Variants in UBAC2 observed in about 807,000 individuals in gnomAD.
UBAC2 encodes the protein ubiquitin-associated domain-containing protein 2.
A neutral mutation model predicts 44.0 loss-of-function variants in UBAC2; 26 were observed. That is an observed-to-expected ratio of 0.59 (90% confidence interval 0.43 to 0.82). The LOEUF (loss-of-function observed/expected upper bound fraction) is 0.82, where lower values mean the gene tolerates loss of function less well. UBAC2 is among the 40% of genes least tolerant of loss of function. The probability of loss-of-function intolerance (pLI) is 0.00; values close to 1 mark genes in which losing one functional copy is unlikely to be tolerated. For missense variants in UBAC2, 329 were observed against 419.4 expected (o/e 0.78, Z 1.88); for synonymous variants, 155 against 154.3 (o/e 1.00, Z -0.04).
At chr13:99,310,577 G>A (rs1370401610) in intron 4 of UBAC2, among the ~76,000 whole-genome samples, 2 of 152,232 alleles carry the variant, frequency 1.3e-5, no homozygotes, top group Non-Finnish European at 1.5e-5. Flanking sequence ...TGTAGAAATA[G>A]CAACGGAAAA....
At chr13:99,212,377 T>TC (rs1566448530) in intron 1 of UBAC2, among the ~76,000 whole-genome samples, 1 of 152,192 alleles carries the variant, frequency 6.6e-6, no homozygotes. Context: ...ATCATGATTT[T>TC]CCCCCCAGAT....
At chr13:99,308,613 TCTGTGATCTCAGAAG>T (rs1459864848) in intron 4 of UBAC2, 2 of 152,238 alleles carry the variant, frequency 1.3e-5, no homozygotes, top group Non-Finnish European at 2.9e-5. Flanking sequence ...AATTTGTAAC[TCTGTGATCTCAGAAG>T]CCTTTCTGCT....
chr13:99,322,489 T>C (rs2044581209), intron 6 of UBAC2, among the ~76,000 whole-genome samples: 3 of 152,214 alleles, frequency 2.0e-5, no homozygotes, highest in African/African-American at 4.8e-5. Flanking sequence ...AATTTTCTTT[T>C]TACAGTTCAC....
At chr13:99,375,699 T>G (rs1395215882) in intron 8 of UBAC2, among the ~76,000 whole-genome samples, 1 of 152,198 alleles carries the variant, frequency 6.6e-6, no homozygotes, top group Non-Finnish European at 1.5e-5. Context: ...GAAATCTCAT[T>G]GGAATGAATG....
chr13:99,290,071 C>T (rs564525334), intron 4 of UBAC2, among the ~76,000 whole-genome samples: 1 of 151,652 alleles, frequency 6.6e-6, no homozygotes, highest in African/African-American at 2.4e-5. Context: ...AGAGTGCAGA[C>T]CATGGAGCCA....
At chr13:99,301,931 ACACCT>A (rs2044263138) in intron 4 of UBAC2, among the ~76,000 whole-genome samples, 1 of 152,240 alleles carries the variant, frequency 6.6e-6, no homozygotes, top group Non-Finnish European at 1.5e-5. Flanking sequence ...ATAATCATCA[ACACCT>A]TGAATGAAAA....
At chr13:99,222,956 A>G (rs1393875355) in intron 1 of UBAC2, among the ~76,000 whole-genome samples, 1 of 152,170 alleles carries the variant, frequency 6.6e-6, no homozygotes, top group East Asian at 1.9e-4. Flanking sequence ...TTCTCCCCTG[A>G]AGCCATCAGA....
intron 4 of UBAC2, among the ~76,000 whole-genome samples, chr13:99,299,919 T>C (rs2044233336): frequency 1.3e-5 from 2 of 152,228 alleles, no homozygotes. Context: ...AATGCCATGC[T>C]AGATCCCTCT....
At chr13:99,262,906 A>G (rs192861364) in intron 4 of UBAC2, among the ~76,000 whole-genome samples, 1 of 152,262 alleles carries the variant, frequency 6.6e-6, no homozygotes, top group Admixed American at 6.5e-5. Context: ...CAAGTTACTT[A>G]GGATTTTTTA....
intron 4 of UBAC2, among the ~76,000 whole-genome samples, chr13:99,251,166 C>G (rs1347285660): frequency 6.6e-6 from 1 of 152,174 alleles, no homozygotes; most frequent in Non-Finnish European, 1.5e-5. Flanking sequence ...GTTTGACTCT[C>G]AGCTTGAACT....
At chr13:99,312,964 TA>T (rs1336109077) in intron 4 of UBAC2, 2 of 152,684 alleles carry the variant, frequency 1.3e-5, no homozygotes, top group South Asian at 2.1e-4. Context: ...TTTTGTTTTT[TA>T]TTTTTTTTTG....
chr13:99,269,510 T>C (rs1249126430), intron 4 of UBAC2, among the ~76,000 whole-genome samples: 1 of 152,194 alleles, frequency 6.6e-6, no homozygotes, highest in African/African-American at 2.4e-5. Flanking sequence ...TTTGCTTTCT[T>C]ATAAGCAAGG....
chr13:99,294,822 T>TG, intron 4 of UBAC2: 1 of 365,878 alleles, frequency 2.7e-6, no homozygotes, highest in East Asian at 4.8e-5. Flanking sequence ...CGCCTCCTTT[T>TG]GGTGTATTCG....
At position 99,386,021 on chromosome 13, in the gene UBAC2, A is replaced by G. The variant is rs2045615773; in HGVS notation, c.*686A>G. The G allele has an allele frequency of 6.6e-6, 1 of 152,396 alleles. No homozygotes were observed. Among genetic ancestry groups the G allele is most frequent in the Non-Finnish European group, 1.5e-5 (1 of 68,088 alleles). The allele number at this position is 152,396 out of a possible 1,614,324, so 9.4% of individuals were successfully genotyped here. A position where few individuals can be genotyped will look rare whatever the true frequency, so the allele number is the denominator to read the frequency against. ...TGCGGGTGAAATGGGATGGAGAAGAACAACAGCAGGCTTCCTGGAGCCACA... is the reference window on the plus strand; with the variant it reads ...TGCGGGTGAAATGGGATGGAGAAGAGCAACAGCAGGCTTCCTGGAGCCACA... On this transcript the variant is annotated 3_prime_UTR_variant, in exon 9 of 9. Coordinates refer to ENST00000403766, the MANE Select transcript of UBAC2 (RefSeq NM_001144072.2).
intron 1 of UBAC2, among the ~76,000 whole-genome samples, chr13:99,208,393 G>T (rs80193525): frequency 2.0e-5 from 3 of 152,138 alleles, no homozygotes; most frequent in Non-Finnish European, 2.9e-5. Context: ...TTAATTAACT[G>T]ATTCAGCAGA....
At chr13:99,250,399 A>T (rs530365493) in intron 4 of UBAC2, among the ~76,000 whole-genome samples, 1 of 152,102 alleles carries the variant, frequency 6.6e-6, no homozygotes, top group Non-Finnish European at 1.5e-5. Context: ...TGGGTTCTCT[A>T]TTCTGTTCCA....
intron 7 of UBAC2, chr13:99,356,029 T>G: frequency 2.5e-6 from 1 of 399,866 alleles, no homozygotes. Context: ...TTTGTAAAAT[T>G]GTACCTATGT....
chr13:99,383,713 C>A (rs1212407694), intron 8 of UBAC2, among the ~76,000 whole-genome samples: 2 of 152,152 alleles, frequency 1.3e-5, no homozygotes, highest in Non-Finnish European at 2.9e-5. Context: ...CTAGTCCTCA[C>A]CCACTGAGTG....
Position 99,385,914 on chromosome 13 carries a change from C to G in UBAC2, c.*579C>G, listed in dbSNP as rs1353047476. On this transcript the variant is annotated 3_prime_UTR_variant, in exon 9 of 9. Coordinates refer to ENST00000403766, the MANE Select transcript of UBAC2 (RefSeq NM_001144072.2). ...ATCTAGTAACAAAGAATGGTGATAA[C>G]CATGCACTGGTTCAAGGTTCTGGAG... 6.5e-6 allele frequency: 1 copy of G among 153,976 alleles called. No homozygotes were observed. Among genetic ancestry groups the G allele is most frequent in the African/African-American group, 2.4e-5 (1 of 41,442 alleles). The allele number at this position is 153,976 out of a possible 1,614,324, so 9.5% of individuals were successfully genotyped here.
Sources: allele counts gnomAD v4.1 joint callset (sites outside exome capture counted in the v4.1 genomes callset), GRCh38; gene constraint gnomAD v4.1.1; transcripts MANE v1.5; gene names NCBI Gene and HGNC (gene_info 2026-07-23, HGNC 2026-07-21).